POLQ: variants seen among roughly 807,000 people sequenced by gnomAD.
POLQ encodes epididymis secretory sperm binding protein.
Under a neutral mutation model 259.2 loss-of-function variants are expected in POLQ, and 233 were observed. That is an observed-to-expected ratio of 0.90 (90% CI 0.81 to 1.00). The LOEUF is 1.00. Ranked by LOEUF, POLQ falls within the 50% of genes least tolerant of loss-of-function variation. The pLI is 0.00. For synonymous variants in POLQ, 1,025 were observed against 1,048.8 expected (o/e 0.98, Z 0.44); for missense variants, 2,871 against 3,051.6 (o/e 0.94, Z 1.39).
At chr3:121,525,870 A>G (rs1055561611) in intron 7 of POLQ, among the ~76,000 whole-genome samples, 1 of 152,136 alleles carries the variant, frequency 6.6e-6, no homozygotes, top group African/African-American at 2.4e-5. Context: ...CAAGATTCAT[A>G]TCTTGAAACC....
intron 12 of POLQ, among the ~76,000 whole-genome samples, chr3:121,499,551 G>A (rs1327393086): frequency 2.6e-5 from 4 of 152,080 alleles, no homozygotes; most frequent in Non-Finnish European, 1.5e-5. Flanking sequence ...CACTGCGCCC[G>A]GCCAGAACCT....
intron 5 of POLQ, among the ~76,000 whole-genome samples, 185 bp from the exon 6 acceptor site, chr3:121,533,394 G>T (rs939088165): frequency 6.6e-6 from 1 of 152,290 alleles, no homozygotes; most frequent in South Asian, 2.1e-4. Flanking sequence ...AATTTTAGTA[G>T]ATAATCCCAC....
chr3:121,502,109 G>T (rs1298978458), intron 12 of POLQ, among the ~76,000 whole-genome samples: 3 of 152,054 alleles, frequency 2.0e-5, no homozygotes. Flanking sequence ...AAATTATGTG[G>T]GTACATATAA....
At chr3:121,470,968 G>A (rs1415079144) in intron 22 of POLQ, among the ~76,000 whole-genome samples, 1 of 152,076 alleles carries the variant, frequency 6.6e-6, no homozygotes, top group Non-Finnish European at 1.5e-5. Context: ...AAAAAATGTA[G>A]GCATTGAGAG....
intron 25 of POLQ, among the ~76,000 whole-genome samples, chr3:121,457,234 C>G (rs1202003058): frequency 6.6e-6 from 1 of 152,176 alleles, no homozygotes; most frequent in African/African-American, 2.4e-5. Flanking sequence ...AAAATTAATT[C>G]AAGATGGATT....
rs559602518 is a variant in POLQ at position 121,440,242 on chromosome 3, A to G, written c.7265-126T>C. 1.1e-5 allele frequency: 7 copies of G among 636,446 alleles called. No homozygotes were observed. The Admixed American group carries it at 2.2e-4, about 20-fold the overall frequency. The allele number at this position is 636,446 out of a possible 1,614,324, so 39.4% of individuals were successfully genotyped here. A position where few individuals can be genotyped will look rare whatever the true frequency, so the allele number is the denominator to read the frequency against. On this transcript the variant is annotated intron_variant, in intron 26 of 29. Coordinates refer to ENST00000264233, the MANE Select transcript of POLQ (RefSeq NM_199420.4). ...TTCTTAACATTAATATCATATCGTCAAATCAGGCATGCGAACTTTCATTCA... is the reference window on the plus strand; with the variant it reads ...TTCTTAACATTAATATCATATCGTCGAATCAGGCATGCGAACTTTCATTCA...
At chr3:121,514,361 C>CAAA (rs76640182) in intron 9 of POLQ, among the ~76,000 whole-genome samples, 5 of 85,270 alleles carry the variant, frequency 5.9e-5, no homozygotes, top group Non-Finnish European at 1.2e-4. Flanking sequence ...CAACAATAAC[C>CAAA]AAAAAAAAAA....
At chr3:121,454,719 C>A (rs950175272) in intron 25 of POLQ, among the ~76,000 whole-genome samples, 3 of 152,048 alleles carry the variant, frequency 2.0e-5, no homozygotes, top group Admixed American at 1.3e-4. Context: ...ACAGGAGCAC[C>A]CAGATTCATA....
chr3:121,486,478 C>T lies in POLQ; in HGVS notation c.5629+824G>A, dbSNP rs149163297. Reference sequence around the variant, plus strand: ...CTGAGGCAGGAGAATTGCTTGAACCCGAGAGGCAGAGGTTGCAGTGAGCCG... The same window carrying T: ...CTGAGGCAGGAGAATTGCTTGAACCTGAGAGGCAGAGGTTGCAGTGAGCCG... On this transcript the variant is annotated intron_variant, in intron 16 of 29. Coordinates refer to ENST00000264233, the MANE Select transcript of POLQ (RefSeq NM_199420.4). Among the ~76,000 whole-genome samples, 1,143 of 152,082 alleles carry T rather than the reference C, an allele frequency of 7.5e-3. 15 individuals are homozygous for T. Among genetic ancestry groups the T allele is most frequent in the African/African-American group, 0.026 (1,093 of 41,502 alleles).
chr3:121,440,322 C>CT (rs2047580699), intron 26 of POLQ, among the ~76,000 whole-genome samples: 1 of 152,092 alleles, frequency 6.6e-6, no homozygotes, highest in Admixed American at 6.6e-5. Context: ...ATGAAATACT[C>CT]TAACTCTTTG....
At chr3:121,533,951 A>C (rs2048430762) in intron 5 of POLQ, among the ~76,000 whole-genome samples, 1 of 122,450 alleles carries the variant, frequency 8.2e-6, no homozygotes, top group Admixed American at 1.1e-4. Flanking sequence ...TTGCCCACTC[A>C]CTGCAAGCTC....
intron 25 of POLQ, among the ~76,000 whole-genome samples, chr3:121,453,301 A>G (rs1204514589): frequency 1.3e-5 from 2 of 152,194 alleles, no homozygotes; most frequent in East Asian, 3.8e-4. Flanking sequence ...AAAACAGAGC[A>G]GAAAAACTGG....
At chr3:121,506,862 T>C (rs1478740246) in intron 12 of POLQ, among the ~76,000 whole-genome samples, 1 of 151,724 alleles carries the variant, frequency 6.6e-6, no homozygotes, top group Non-Finnish European at 1.5e-5. Context: ...CAAATGTCCA[T>C]CAATAGGGAA....
chr3:121,468,289 G>GA lies in POLQ; in HGVS notation c.6845+15dup. 2 of 1,599,678 alleles carry GA rather than the reference G, an allele frequency of 1.3e-6. No individual in the cohort carries two copies. Among genetic ancestry groups the GA allele is most frequent in the Non-Finnish European group, 1.7e-6 (2 of 1,174,510 alleles). On this transcript the variant is annotated intron_variant, in intron 23 of 29. Transcript: ENST00000264233. ...ACAAAAGTTTATTAATACAGATACA[G>GA]AGAAACAGCACCTACCTGCCCATGG...
chr3:121,503,711 G>A (rs1384100724), intron 12 of POLQ, among the ~76,000 whole-genome samples: 1 of 152,116 alleles, frequency 6.6e-6, no homozygotes, highest in African/African-American at 2.4e-5. Flanking sequence ...GATAGTGTCT[G>A]TATATAACCT....
At chr3:121,517,962 G>C (rs1025526378) in intron 9 of POLQ, among the ~76,000 whole-genome samples, 1 of 152,146 alleles carries the variant, frequency 6.6e-6, no homozygotes, top group African/African-American at 2.4e-5. Context: ...AACTAATCCA[G>C]ATACCAATAA....
Position 121,489,724 on chromosome 3 carries a change from T to C in POLQ, c.3207A>G (p.Gly1069=), listed in dbSNP as rs758373158. The change falls in exon 16 of 30, where the codon GGA becomes GGG. Residue 1069 remains glycine, a synonymous_variant. Coordinates refer to ENST00000264233, the MANE Select transcript of POLQ (RefSeq NM_199420.4). ...DSGACRIHLQ[G]QTLSNPSLCE... is the part of the protein sequence containing the mutation. ...AAAGACTAGGATTAGACAGAGTCTG[T>C]CCTTGTAAATGGATTCTACACGCTC... 5 of 1,612,754 alleles carry C rather than the reference T, an allele frequency of 3.1e-6. No individual in the cohort carries two copies. The highest frequency in any genetic ancestry group is 3.3e-5 in the Admixed American group (2 of 59,770).
intron 26 of POLQ, among the ~76,000 whole-genome samples, chr3:121,444,812 G>C (rs193170173): frequency 6.6e-6 from 1 of 152,088 alleles, no homozygotes. Flanking sequence ...TTTCATGATG[G>C]AATGTTGAAT....
At chr3:121,486,885 AAGAGAGACAGAG>A (rs2048015956) in intron 16 of POLQ, among the ~76,000 whole-genome samples, 1 of 113,250 alleles carries the variant, frequency 8.8e-6, no homozygotes, top group Admixed American at 9.6e-5. Flanking sequence ...GAAAGAAAGA[AAGAGAGACAGAG>A]AGAGAGAGAG....
Sources: allele counts gnomAD v4.1 joint callset (sites outside exome capture counted in the v4.1 genomes callset), GRCh38; gene constraint gnomAD v4.1.1; transcripts MANE v1.5; gene names NCBI Gene and HGNC (gene_info 2026-07-23, HGNC 2026-07-21).